RMDN2: variants seen among roughly 807,000 people sequenced by gnomAD.
The protein encoded by RMDN2 is regulator of microtubule dynamics 2, also known as regulator of microtubule dynamics protein 2.
Under a neutral mutation model 52.8 loss-of-function variants are expected in RMDN2, and 61 were observed. The ratio of observed to expected loss-of-function variants is 1.16; its 90% CI spans 0.94 to 1.43. The LOEUF (loss-of-function observed/expected upper bound fraction) is 1.43, where lower values mean the gene tolerates loss of function less well. Among genes scored for constraint, RMDN2 ranks in the 40% most tolerant of loss-of-function variants. RMDN2 has a pLI of 0.00. For synonymous variants in RMDN2, 180 were observed against 153.1 expected (o/e 1.18, Z -1.30); for missense variants, 592 against 475.3 (o/e 1.25, Z -2.28).
chr2:38,036,723 A>G (rs1008492566), intron 10 of RMDN2: 1 of 152,190 alleles, frequency 6.6e-6, no homozygotes. Context: ...GTGCTGACAC[A>G]TGTAACTCTT....
At chr2:38,062,442 A>T (rs1194176399) in intron 10 of RMDN2, among the ~76,000 whole-genome samples, 2 of 152,120 alleles carry the variant, frequency 1.3e-5, no homozygotes, top group Non-Finnish European at 2.9e-5. Context: ...CATTGGGTGG[A>T]TGTAACAGAT....
upstream of RMDN2, among the ~76,000 whole-genome samples, chr2:37,923,725 C>G (rs1666096704): frequency 6.6e-6 from 1 of 152,144 alleles, no homozygotes. Flanking sequence ...AAAGATTAAT[C>G]TGCTCTTTTT....
downstream of RMDN2, among the ~76,000 whole-genome samples, chr2:38,018,880 GCACGCACA>G (rs1267251503): frequency 6.6e-6 from 1 of 152,126 alleles, no homozygotes; most frequent in African/African-American, 2.4e-5. Flanking sequence ...GGGTGCACAT[GCACGCACA>G]CGCACACACG....
At chr2:38,013,971 C>T (rs1678370631) in intron 10 of RMDN2, among the ~76,000 whole-genome samples, 1 of 152,180 alleles carries the variant, frequency 6.6e-6, no homozygotes, top group Non-Finnish European at 1.5e-5. Context: ...CTTTGGGCGG[C>T]CGAGGCGGGC....
At chr2:38,065,860 G>C (rs1304133972) in intron 10 of RMDN2, among the ~76,000 whole-genome samples, 1 of 152,158 alleles carries the variant, frequency 6.6e-6, no homozygotes, top group Admixed American at 6.5e-5. Context: ...AGTTTAAAGG[G>C]GCTTTTCTCA....
chr2:38,064,497 AAAAG>A lies in RMDN2; in HGVS notation c.1714-2473_1714-2470del, dbSNP rs916182104. On this transcript the variant is annotated intron_variant, in intron 10 of 10. Transcript: ENST00000234195. ...AGAGCGAGACTCCATCTCAAAAAAA[AAAAG>A]AAAGAAAGAAACAGGTTAGACTTCA... Among the ~76,000 whole-genome samples, 6 of 152,188 alleles carry A rather than the reference AAAAG, an allele frequency of 3.9e-5. No homozygotes were observed. In the Middle Eastern group the frequency reaches 0.01, roughly 259 times the overall value.
At chr2:38,029,611 T>A (rs1408573942) in intron 10 of RMDN2, 1 of 144,968 alleles carries the variant, frequency 6.9e-6, no homozygotes, top group African/African-American at 2.8e-5. Flanking sequence ...CTAAGTTTCC[T>A]TTAAAAAAAA....
At chr2:37,922,204 G>A (rs748051790), upstream of RMDN2, among the ~76,000 whole-genome samples, 1 of 152,134 alleles carries the variant, frequency 6.6e-6, no homozygotes, top group Non-Finnish European at 1.5e-5. Context: ...TTGAAGCGGG[G>A]GTTGGGGATT....
chr2:38,027,807 C>T (rs1679890755), intron 10 of RMDN2, among the ~76,000 whole-genome samples: 1 of 152,156 alleles, frequency 6.6e-6, no homozygotes, highest in Non-Finnish European at 1.5e-5. Flanking sequence ...CTGAAAATCG[C>T]ATGTGGAAAT....
chr2:37,933,626 G>A (rs1432199217), intron 2 of RMDN2, among the ~76,000 whole-genome samples: 1 of 152,262 alleles, frequency 6.6e-6, no homozygotes, highest in Admixed American at 6.5e-5. Flanking sequence ...ACGAAAACCA[G>A]TCAGGCGTGG....
At chr2:38,066,933 A>G (rs777591586) in intron 10 of RMDN2, 4 of 1,607,672 alleles carry the variant, frequency 2.5e-6, no homozygotes, top group Non-Finnish European at 3.4e-6. Flanking sequence ...CAAAGTTTCA[A>G]TGCCATTTTG....
At chr2:38,060,952 G>A (rs1464749511) in intron 10 of RMDN2, among the ~76,000 whole-genome samples, 1 of 152,150 alleles carries the variant, frequency 6.6e-6, no homozygotes, top group African/African-American at 2.4e-5. Context: ...TTGACTCAAA[G>A]GCTAGACATA....
intron 8 of RMDN2, 111 bp from the exon 9 acceptor site, chr2:38,003,880 A>C: frequency 1.2e-6 from 1 of 813,194 alleles, no homozygotes; most frequent in Non-Finnish European, 2.1e-6. Flanking sequence ...CTAAATTCTT[A>C]GGGCAGTTTG....
chr2:37,924,240 G>T (rs2124869099), upstream of RMDN2, among the ~76,000 whole-genome samples: 1 of 152,290 alleles, frequency 6.6e-6, no homozygotes, highest in Admixed American at 6.5e-5. Flanking sequence ...TGCTGTTGCT[G>T]TTTTGAGAAA....
intron 2 of RMDN2, among the ~76,000 whole-genome samples, chr2:37,939,010 C>T (rs986958452): frequency 7.2e-5 from 11 of 152,284 alleles, no homozygotes; most frequent in Admixed American, 1.3e-4. Flanking sequence ...TTAGATCTTT[C>T]CTGCTTTCTC....
intron 2 of RMDN2, among the ~76,000 whole-genome samples, chr2:37,944,380 C>T (rs897391578): frequency 1.3e-5 from 2 of 151,698 alleles, no homozygotes; most frequent in Admixed American, 6.6e-5. Context: ...ATACAGTCTC[C>T]GTCTCAAAAC....
At chr2:37,933,726 C>A (rs1293258805) in intron 2 of RMDN2, among the ~76,000 whole-genome samples, 3 of 152,180 alleles carry the variant, frequency 2.0e-5, no homozygotes, top group African/African-American at 7.2e-5. Flanking sequence ...GCAGCAGTAC[C>A]ATCCAGCTTC....
chr2:37,964,022 G>A (rs1477651828), intron 2 of RMDN2, among the ~76,000 whole-genome samples: 1 of 151,368 alleles, frequency 6.6e-6, no homozygotes, highest in African/African-American at 2.4e-5. Flanking sequence ...CGGGGCGGCT[G>A]GCCTGGCGGG....
intron 2 of RMDN2, among the ~76,000 whole-genome samples, chr2:37,954,204 GTAGTC>G (rs1669180320): frequency 6.6e-6 from 1 of 151,886 alleles, no homozygotes; most frequent in Non-Finnish European, 1.5e-5. Flanking sequence ...CGGTTTTGAG[GTAGTC>G]TAGTTTATCA....
Sources: allele counts gnomAD v4.1 joint callset (sites outside exome capture counted in the v4.1 genomes callset), GRCh38; gene constraint gnomAD v4.1.1; transcripts MANE v1.5; gene names NCBI Gene and HGNC (gene_info 2026-07-23, HGNC 2026-07-21).